Variants in PIK3CD observed in about 807,000 individuals in gnomAD.
PIK3CD encodes phosphatidylinositol-4,5-bisphosphate 3-kinase catalytic subunit delta, also known as phosphatidylinositol 4,5-bisphosphate 3-kinase catalytic subunit delta isoform.
PIK3CD carries 20 observed loss-of-function variants against 122.9 expected under a neutral mutation model. The observed-to-expected ratio is 0.16, with a 90% CI of 0.11 to 0.24. The LOEUF is 0.24. Among genes scored for constraint, PIK3CD ranks in the 10% least tolerant of loss-of-function variants. The pLI, the probability that PIK3CD is intolerant of heterozygous loss-of-function variation, is 1.00. For synonymous variants in PIK3CD, 596 were observed against 593.4 expected, an observed-to-expected ratio of 1.00 and a Z score of -0.06; for missense variants, 787 against 1,406.3, an observed-to-expected ratio of 0.56 and a Z score of 7.04.
At position 9,727,600 on chromosome 1, in the gene PIK3CD, T is replaced by C. The variant is rs1649870168; in HGVS notation, c.*554T>C. On this transcript the variant is annotated 3_prime_UTR_variant, in exon 24 of 24. Transcript: ENST00000377346. The stretch of plus-strand genomic sequence containing the variant: ...CGAGAATTCCCTCATCTTTCTCTAC[T>C]GTAAAGTGATTTTGTTTGCAGGTAA... 4.5e-6 allele frequency: 1 copy of C among 223,864 alleles called. No individual in the cohort carries two copies. The highest frequency in any genetic ancestry group is 9.1e-6 in the Non-Finnish European group (1 of 110,002). 13.9% of individuals were successfully genotyped at this position (223,864 alleles called of 1,614,324 possible).
intron 2 of PIK3CD, among the ~76,000 whole-genome samples, chr1:9,695,865 A>G (rs536542450): frequency 6.6e-6 from 1 of 152,044 alleles, no homozygotes; most frequent in South Asian, 2.1e-4. Context: ...AAAGAAAAGA[A>G]AGAAAGATAC....
chr1:9,668,893 G>A (rs1205780492), intron 1 of PIK3CD, among the ~76,000 whole-genome samples: 3 of 152,138 alleles, frequency 2.0e-5, no homozygotes, highest in African/African-American at 7.2e-5. Flanking sequence ...AGGGGCTGAC[G>A]GGGCTGTGTC....
At chr1:9,629,771 C>T in the PIK3CD span, among the ~76,000 whole-genome samples, 1 of 152,202 alleles carries the variant, frequency 6.6e-6, no homozygotes, top group African/African-American at 2.4e-5. Context: ...CCTAAGGCTC[C>T]CCCACCCCTG....
At position 9,718,953 on chromosome 1, in the gene PIK3CD, G is replaced by A. The variant is rs368884544; in HGVS notation, c.1242+38G>A. 52 of 1,581,628 alleles carry A rather than the reference G, an allele frequency of 3.3e-5. No individual in the cohort carries two copies. The East Asian group carries it at 7.2e-4, about 22-fold the overall frequency. On this transcript the variant is annotated intron_variant, in intron 9 of 23. Coordinates refer to ENST00000377346, the MANE Select transcript of PIK3CD (RefSeq NM_005026.5). The surrounding 1 kb of genome is among the most constrained non-coding windows in gnomAD (Gnocchi z 7.2). The stretch of plus-strand genomic sequence containing the variant: ...GCCGGCTGGGAGGGGTGCAGACCCC[G>A]GAGAGCCAGTACAGCCCCTTGCTGG...
intron 1 of PIK3CD, among the ~76,000 whole-genome samples, chr1:9,682,559 C>T (rs748123928): frequency 2.0e-5 from 3 of 150,150 alleles, no homozygotes; most frequent in Non-Finnish European, 3.0e-5. Flanking sequence ...TTATTTATTT[C>T]GAGACGGAGT....
chr1:9,665,201 CAAA>C (rs756515572), intron 1 of PIK3CD, among the ~76,000 whole-genome samples: 3 of 52,968 alleles, frequency 5.7e-5, no homozygotes, highest in African/African-American at 1.5e-4. Context: ...GACAGCCTGT[CAAA>C]AAAAAAAAAA....
At chr1:9,638,939 C>G in the PIK3CD span, among the ~76,000 whole-genome samples, 1 of 151,750 alleles carries the variant, frequency 6.6e-6, no homozygotes, top group Non-Finnish European at 1.5e-5. Flanking sequence ...CCATGCCCTG[C>G]TAGTTTTTGT....
At chr1:9,702,519 TTTTTTTTTTTTTTTTTTTG>T (rs891802619) in intron 2 of PIK3CD, among the ~76,000 whole-genome samples, 3 of 102,268 alleles carry the variant, frequency 2.9e-5, no homozygotes, top group African/African-American at 1.1e-4. Flanking sequence ...TTTTTTTTTT[TTTTTTTTTTTTTTTTTTTG>T]AGGCAGAGTT....
At chr1:9,629,059 A>G in the PIK3CD span, among the ~76,000 whole-genome samples, 1 of 151,916 alleles carries the variant, frequency 6.6e-6, no homozygotes, top group Non-Finnish European at 1.5e-5. Flanking sequence ...TTCTCTCCCC[A>G]CTGTCACCCC....
Position 9,723,890 on chromosome 1 carries a change from G to A in PIK3CD, c.2595-79G>A, listed in dbSNP as rs1039346105. ...CAAGTCACAGGGCCAGATTCAAGGG[G>A]AGAGGGAGTAATAACCCACCTCTTG... On this transcript the variant is annotated intron_variant, in intron 20 of 23. Transcript: ENST00000377346. The surrounding 1 kb of genome is among the most constrained non-coding windows in gnomAD (Gnocchi z 4.9). The A allele has an allele frequency of 7.6e-7, 1 of 1,312,358 alleles. No individual in the cohort carries two copies. The highest frequency in any genetic ancestry group is 1.4e-5 in the African/African-American group (1 of 68,972). 81.3% of individuals were successfully genotyped at this position (1,312,358 alleles called of 1,614,324 possible). A position where few individuals can be genotyped will look rare whatever the true frequency, so the allele number is the denominator to read the frequency against.
At position 9,718,134 on chromosome 1, in the gene PIK3CD, G is replaced by A. The variant is rs557658327; in HGVS notation, c.1020+508G>A. ...CATGGGCTTTATTGTCCTGTTTGCT[G>A]GACATGATACCTGAGTCCTCAGAGG... On this transcript the variant is annotated intron_variant, in intron 8 of 23. Coordinates refer to ENST00000377346, the MANE Select transcript of PIK3CD (RefSeq NM_005026.5). This position sits in a 1 kb window ranked among gnomAD's most constrained non-coding sequence, Gnocchi z 7.2. 133 of 463,694 alleles carry A rather than the reference G, an allele frequency of 2.9e-4. No individual in the cohort carries two copies. Among genetic ancestry groups the A allele is most frequent in the African/African-American group, 2.3e-3 (117 of 50,536 alleles). The allele number at this position is 463,694 out of a possible 1,614,324, so 28.7% of individuals were successfully genotyped here.
chr1:9,720,176 C>T lies in PIK3CD; in HGVS notation c.1404C>T (p.Ala468=), dbSNP rs771683726. The change falls in exon 11 of 24, where the codon GCC becomes GCT. Residue 468 remains alanine, a synonymous_variant. Coordinates refer to ENST00000377346, the MANE Select transcript of PIK3CD (RefSeq NM_005026.5). This position sits in a 1 kb window ranked among gnomAD's most constrained non-coding sequence, Gnocchi z 9.0. ...GCAGTAACCCCAACACGGATAGCGCCGCTGCCCTGCTCATCTGCCTGCCCG... is the reference window on the plus strand; with the variant it reads ...GCAGTAACCCCAACACGGATAGCGCTGCTGCCCTGCTCATCTGCCTGCCCG... ...TVRSNPNTDS[A]AALLICLPEV... The T allele has an allele frequency of 1.5e-5, 24 of 1,612,702 alleles. No homozygotes were observed. The highest frequency in any genetic ancestry group is 3.3e-5 in the South Asian group (3 of 91,086).
the PIK3CD span, among the ~76,000 whole-genome samples, chr1:9,630,989 C>CA: frequency 6.6e-6 from 1 of 152,172 alleles, no homozygotes; most frequent in African/African-American, 2.4e-5. Flanking sequence ...CACACCGGGA[C>CA]AGAGTTCATG....
At chr1:9,694,478 G>A (rs1440424283) in intron 2 of PIK3CD, among the ~76,000 whole-genome samples, 3 of 152,222 alleles carry the variant, frequency 2.0e-5, no homozygotes, top group Non-Finnish European at 2.9e-5. Flanking sequence ...AGGTTGCGGT[G>A]AGCCAAGATC....
intron 1 of PIK3CD, among the ~76,000 whole-genome samples, chr1:9,656,192 G>A (rs1644851987): frequency 6.6e-6 from 1 of 152,154 alleles, no homozygotes; most frequent in Admixed American, 6.5e-5. Context: ...ACCTATTTGG[G>A]ATTTTTGGTC....
chr1:9,640,863 G>A, the PIK3CD span, among the ~76,000 whole-genome samples: 3 of 152,164 alleles, frequency 2.0e-5, no homozygotes, highest in Non-Finnish European at 2.9e-5. Flanking sequence ...GGGCCTCCCT[G>A]CCTCCAGCAT....
chr1:9,628,331 G>A, the PIK3CD span, among the ~76,000 whole-genome samples: 4 of 152,104 alleles, frequency 2.6e-5, no homozygotes, highest in Admixed American at 6.6e-5. Context: ...TACTCTTAGC[G>A]CAGAAACATC....
At chr1:9,640,752 C>T in the PIK3CD span, among the ~76,000 whole-genome samples, 1 of 152,162 alleles carries the variant, frequency 6.6e-6, no homozygotes, top group Admixed American at 6.6e-5. Context: ...CACTCCCCGG[C>T]TCAGCCTGGA....
At chr1:9,721,004 C>G in intron 13 of PIK3CD, 95 bp downstream of exon 13, 1 of 1,455,094 alleles carries the variant, frequency 6.9e-7, no homozygotes, top group Admixed American at 2.0e-5. Flanking sequence ...CACCCTCACC[C>G]TGGCCAACCT....
Sources: allele counts gnomAD v4.1 joint callset (sites outside exome capture counted in the v4.1 genomes callset), GRCh38; gene constraint gnomAD v4.1.1; non-coding constraint Gnocchi (gnomAD v3.1); transcripts MANE v1.5; gene names NCBI Gene and HGNC (gene_info 2026-07-23, HGNC 2026-07-21).